PGM3: variants seen among roughly 807,000 people sequenced by gnomAD.
PGM3 encodes the protein phosphoglucomutase 3.
In PGM3, 40 loss-of-function variants were observed where a neutral mutation model predicts 66.2. The observed-to-expected ratio is 0.60, with a 90% CI of 0.47 to 0.79. The LOEUF (loss-of-function observed/expected upper bound fraction) is 0.79. Ranked by LOEUF, PGM3 falls within the 30% of genes least tolerant of loss-of-function variation. PGM3 has a pLI of 0.00. For synonymous variants in PGM3, 191 were observed against 224.2 expected (o/e 0.85, Z 1.32); for missense variants, 537 against 643.4 (o/e 0.83, Z 1.79).
downstream of PGM3, chr6:83,164,779 C>T (rs1785056539): frequency 7.1e-7 from 1 of 1,404,784 alleles, no homozygotes; most frequent in South Asian, 1.3e-5. Flanking sequence ...TATTGAGACA[C>T]AAACCCAGGT....
chr6:83,165,387 G>C lies in PGM3; in HGVS notation c.*3847C>G, dbSNP rs1785227763. On this transcript the variant is annotated 3_prime_UTR_variant, in exon 13 of 13. Coordinates refer to ENST00000513973, the MANE Select transcript of PGM3 (RefSeq NM_015599.3). ...TGATGAAGTAGGTGATCTTTTCTTG[G>C]TTTGCTCCTAGACTCTTCCATTTTA... The C allele has an allele frequency of 6.6e-6, 1 of 152,290 alleles. No individual in the cohort carries two copies. The highest frequency in any genetic ancestry group is 1.5e-5 in the Non-Finnish European group (1 of 68,168). The allele number at this position is 152,290 out of a possible 1,614,324, so 9.4% of individuals were successfully genotyped here. A position where few individuals can be genotyped will look rare whatever the true frequency, so the allele number is the denominator to read the frequency against.
At chr6:83,155,944 T>G in the PGM3 span, 3 of 1,603,248 alleles carry the variant, frequency 1.9e-6, no homozygotes, top group Non-Finnish European at 2.5e-6. Context: ...TTCACTTGCT[T>G]TTTCAGCTCG....
At position 83,182,937 on chromosome 6, in the gene PGM3, A is replaced by T; in HGVS notation, c.499T>A (p.Tyr167Asn). 5.6e-6 allele frequency: 9 copies of T among 1,614,060 alleles called. No homozygotes were observed. The highest frequency in any genetic ancestry group is 7.6e-6 in the Non-Finnish European group (9 of 1,179,936). Residue 167 changes from tyrosine (Y) to asparagine (N), a missense_variant, in exon 5 of 13, where the codon TAT (tyrosine) becomes AAT (asparagine). Transcript: ENST00000513973. ...LTTPQLHYMV[Y>N]CRNTGGRYGK... is the part of the protein sequence containing the mutation. ...TATCGGCCACCCGTGTTTCGACAAT[A>T]CACCATGTAGTGCAGCTGGGGTGTT...
Position 83,181,841 on chromosome 6 carries a change from A to G in PGM3, c.682T>C (p.Phe228Leu). 1 of 1,614,058 alleles carries G rather than the reference A, an allele frequency of 6.2e-7. No homozygotes were observed. The highest frequency in any genetic ancestry group is 8.5e-7 in the Non-Finnish European group (1 of 1,179,918). The part of the protein sequence containing the change: ...ALKLREMEHY[F>L]SQGLSVQLFN... Reference sequence around the variant, plus strand: ...AGCTGAACTGACAGGCCCTGTGAGAAGTAGTGTTCCATTTCCCTTAGCTTC... The same window carrying G: ...AGCTGAACTGACAGGCCCTGTGAGAGGTAGTGTTCCATTTCCCTTAGCTTC... Residue 228 changes from phenylalanine to leucine, a missense_variant, in exon 6 of 13, where the codon TTC becomes CTC. By Grantham distance (22) the Phe-to-Leu change is conservative. Transcript: ENST00000513973.
chr6:83,167,211 G>C lies in PGM3; in HGVS notation c.*2023C>G, dbSNP rs925695116. 7.7e-6 allele frequency: 7 copies of C among 914,722 alleles called. No homozygotes were observed. The highest frequency in any genetic ancestry group is 6.2e-5 in the Admixed American group (1 of 16,188). 56.7% of individuals were successfully genotyped at this position (914,722 alleles called of 1,614,324 possible). A position where few individuals can be genotyped will look rare whatever the true frequency, so the allele number is the denominator to read the frequency against. On this transcript the variant is annotated 3_prime_UTR_variant, in exon 13 of 13. Coordinates refer to ENST00000513973, the MANE Select transcript of PGM3 (RefSeq NM_015599.3). Reference sequence around the variant, plus strand: ...TTTGTATATCCTGCCCAAGGGTGCCGTAAGTATGGCAGAGCCAGCACACTA... The same window carrying C: ...TTTGTATATCCTGCCCAAGGGTGCCCTAAGTATGGCAGAGCCAGCACACTA...
At chr6:83,159,616 G>A, downstream of PGM3, 1 of 709,404 alleles carries the variant, frequency 1.4e-6, no homozygotes, top group Non-Finnish European at 2.4e-6. Context: ...CATTCTCAAA[G>A]AAGAAAAGTG....
chr6:83,151,636 A>G, the PGM3 span: 1 of 1,609,202 alleles, frequency 6.2e-7, no homozygotes, highest in Non-Finnish European at 8.5e-7. Flanking sequence ...TTTGGAAAAT[A>G]AAAAAGACCA....
rs1785414828 is a variant in PGM3 at position 83,165,980 on chromosome 6, T to G, written c.*3254A>C. The G allele has an allele frequency of 3.0e-6, 1 of 332,488 alleles. No individual in the cohort carries two copies. The highest frequency in any genetic ancestry group is 5.8e-6 in the Non-Finnish European group (1 of 171,122). The allele number at this position is 332,488 out of a possible 1,614,324, so 20.6% of individuals were successfully genotyped here. ...GACCATGACCATTTTTTGGAGCAAG[T>G]TTGGCTTTGGGAAGTGCTTTGGAGC... On this transcript the variant is annotated 3_prime_UTR_variant, in exon 13 of 13. Coordinates refer to ENST00000513973, the MANE Select transcript of PGM3 (RefSeq NM_015599.3).
the PGM3 span, chr6:83,148,987 G>A: frequency 1.5e-5 from 8 of 539,034 alleles, no homozygotes; most frequent in Admixed American, 8.7e-5. Context: ...GTGTTCTTGA[G>A]ATGCAAAACT....
At chr6:83,178,788 T>C (rs1242226675) in intron 7 of PGM3, 32 bp from the exon 8 acceptor site, 1 of 1,202,816 alleles carries the variant, frequency 8.3e-7, no homozygotes, top group South Asian at 1.2e-5. Flanking sequence ...TAACTTGCCA[T>C]CAAAAGTATG....
Position 83,178,962 on chromosome 6 carries a change from A to G in PGM3, c.946-206T>C, listed in dbSNP as rs370480242. On this transcript the variant is annotated intron_variant, in intron 7 of 12. Transcript: ENST00000513973. ...ACACTATTTAAAACAATTCTATGAG[A>G]ATTCCTCTTTTAAGAAGCCTGTATC... 7.2e-5 allele frequency among the ~76,000 whole-genome samples: 11 copies of G among 152,320 alleles called. No individual in the cohort carries two copies. The East Asian group carries it at 9.6e-4, about 13-fold the overall frequency.
chr6:83,189,415 T>G (rs1324406045), intron 2 of PGM3, among the ~76,000 whole-genome samples: 1 of 152,218 alleles, frequency 6.6e-6, no homozygotes, highest in East Asian at 1.9e-4. Flanking sequence ...TTTTGAGAAG[T>G]GCCTCTGGAA....
the PGM3 span, among the ~76,000 whole-genome samples, chr6:83,150,807 T>C: frequency 2.0e-5 from 3 of 152,216 alleles, no homozygotes; most frequent in Non-Finnish European, 2.9e-5. Context: ...TTTTAAACTT[T>C]TCTGTTTATA....
chr6:83,191,999 G>A (rs1423378665), intron 1 of PGM3, among the ~76,000 whole-genome samples: 3 of 146,658 alleles, frequency 2.0e-5, no homozygotes, highest in Non-Finnish European at 4.5e-5. Context: ...AGGTGAGGTG[G>A]CTCAGGCCTG....
Position 83,169,054 on chromosome 6 carries a change from A to G in PGM3, c.*180T>C, listed in dbSNP as rs1786495873. On this transcript the variant is annotated 3_prime_UTR_variant, in exon 13 of 13. Transcript: ENST00000513973. ...AGAGGTAAATTTCTTTAACAAGTGT[A>G]AGGCTTACCTATTTATAAAGAATTA... 7.8e-6 allele frequency: 11 copies of G among 1,405,208 alleles called. No homozygotes were observed. The highest frequency in any genetic ancestry group is 7.2e-5 in the African/African-American group (5 of 69,198). The allele number at this position is 1,405,208 out of a possible 1,614,324, so 87.0% of individuals were successfully genotyped here. A position where few individuals can be genotyped will look rare whatever the true frequency, so the allele number is the denominator to read the frequency against.
At position 83,166,220 on chromosome 6, in the gene PGM3, G is replaced by A. The variant is rs1037372885; in HGVS notation, c.*3014C>T. On this transcript the variant is annotated 3_prime_UTR_variant, in exon 13 of 13. Transcript: ENST00000513973. ...ACCTTTTCAATTTGCTTCAAATGCC[G>A]AACGACCATAAAATGGTCAACATTG... 30 of 502,088 alleles carry A rather than the reference G, an allele frequency of 6.0e-5. No individual in the cohort carries two copies. The highest frequency in any genetic ancestry group is 9.7e-5 in the African/African-American group (5 of 51,770). The allele number at this position is 502,088 out of a possible 1,614,324, so 31.1% of individuals were successfully genotyped here.
In PGM3 at chr6:83,179,924, T is replaced by G. The variant is rs771696627; in HGVS notation, c.831A>C (p.Gly277=). 6.2e-7 allele frequency: 1 copy of G among 1,611,470 alleles called. No homozygotes were observed. The highest frequency in any genetic ancestry group is 8.5e-7 in the Non-Finnish European group (1 of 1,178,364). The change falls in exon 7 of 13, where the codon GGA becomes GGC. Residue 277 remains glycine (G), a synonymous_variant. Coordinates refer to ENST00000513973, the MANE Select transcript of PGM3 (RefSeq NM_015599.3). ...AGTAATAAACAATTCTGTCTGCATC[T>G]CCATCAAAAGAACAGCATCTTTCAT... ...KSNERCCSFD[G]DADRIVYYYH...
chr6:83,163,181 A>G (rs1334961006), downstream of PGM3, among the ~76,000 whole-genome samples: 1 of 152,182 alleles, frequency 6.6e-6, no homozygotes, highest in Non-Finnish European at 1.5e-5. Context: ...AATAACATCT[A>G]CCTTAAAATG....
At chr6:83,174,775 G>A (rs184640193) in intron 9 of PGM3, among the ~76,000 whole-genome samples, 5 of 152,322 alleles carry the variant, frequency 3.3e-5, no homozygotes, top group Admixed American at 3.3e-4. Context: ...CACACAGTAA[G>A]TTCATGTTTT....
Sources: gnomAD v4.1 joint callset for allele counts (sites outside exome capture counted in the v4.1 genomes callset) on GRCh38, gnomAD v4.1.1 for gene constraint, MANE v1.5 for transcripts, NCBI Gene and HGNC (gene_info 2026-07-23, HGNC 2026-07-21) for gene names.